Variants in PCDH7 observed in about 807,000 individuals in gnomAD.
PCDH7 encodes the protein protocadherin-7.
A neutral mutation model predicts 58.9 loss-of-function variants in PCDH7; 17 were observed. The observed-to-expected ratio is 0.29, with a 90% CI of 0.20 to 0.43. The LOEUF (loss-of-function observed/expected upper bound fraction) is 0.43. PCDH7 is among the 20% of genes least tolerant of loss of function. The pLI, the probability that PCDH7 is intolerant of heterozygous loss-of-function variation, is 1.00. For synonymous variants in PCDH7, 664 were observed against 616.4 expected (o/e 1.08, Z -1.14); for missense variants, 1,274 against 1,441.0 (o/e 0.88, Z 1.88).
At chr4:30,730,654 A>C in intron 1 of PCDH7, 1 of 816,262 alleles carries the variant, frequency 1.2e-6, no homozygotes, top group Non-Finnish European at 1.9e-6. Flanking sequence ...TTAGCTCCGA[A>C]ATCTCTACTA....
At chr4:30,942,385 A>T (rs1348805343) in intron 2 of PCDH7, among the ~76,000 whole-genome samples, 1 of 152,020 alleles carries the variant, frequency 6.6e-6, no homozygotes, top group Non-Finnish European at 1.5e-5. Context: ...AGCCTTGATG[A>T]AGTGTGCTTT....
At chr4:30,842,427 G>A (rs1731334317) in intron 1 of PCDH7, among the ~76,000 whole-genome samples, 1 of 152,030 alleles carries the variant, frequency 6.6e-6, no homozygotes, top group African/African-American at 2.4e-5. Context: ...ATTTGAAATT[G>A]GCAGTCTCAT....
intron 1 of PCDH7, among the ~76,000 whole-genome samples, chr4:30,826,406 A>G (rs910472130): frequency 2.6e-5 from 4 of 152,100 alleles, no homozygotes; most frequent in African/African-American, 9.7e-5. Context: ...TAAAAAATGC[A>G]TCACAGTAAT....
At chr4:31,021,278 A>G (rs1278582081) in intron 3 of PCDH7, among the ~76,000 whole-genome samples, 1 of 152,154 alleles carries the variant, frequency 6.6e-6, no homozygotes, top group Non-Finnish European at 1.5e-5. Context: ...CATAGCCCCT[A>G]GGGAAATGCA....
chr4:31,080,200 A>G (rs960215737), intron 3 of PCDH7, among the ~76,000 whole-genome samples: 2 of 152,166 alleles, frequency 1.3e-5, no homozygotes, highest in African/African-American at 4.8e-5. Context: ...TGCTAATAAA[A>G]TGTTTGAGTT....
intron 1 of PCDH7, among the ~76,000 whole-genome samples, chr4:30,738,662 C>G (rs1254930232): frequency 6.6e-6 from 1 of 152,090 alleles, no homozygotes; most frequent in Non-Finnish European, 1.5e-5. Flanking sequence ...ATGAAACAGT[C>G]TAAAAACTGT....
At chr4:30,833,255 C>T (rs149499952) in intron 1 of PCDH7, among the ~76,000 whole-genome samples, 651 of 152,232 alleles carry the variant, frequency 4.3e-3, no homozygotes, top group Non-Finnish European at 6.1e-3. Flanking sequence ...AAATGGGTCT[C>T]AGTGGGCTAA....
rs541813305 is a variant in PCDH7 at position 31,058,009 on chromosome 4, T to A, written c.*8-84464T>A. On this transcript the variant is annotated intron_variant, in intron 3 of 3. Transcript: ENST00000509759. ...CTTAGGATTTAAATATCCAATTAAG[T>A]TGAAATGACCTTTGACAACTGAAAG... 1.1e-4 allele frequency among the ~76,000 whole-genome samples: 17 copies of A among 152,208 alleles called. No individual in the cohort carries two copies. In the East Asian group the frequency reaches 3.1e-3, roughly 28 times the overall value.
At chr4:30,777,256 C>T (rs1722187225) in intron 1 of PCDH7, among the ~76,000 whole-genome samples, 1 of 152,124 alleles carries the variant, frequency 6.6e-6, no homozygotes, top group Admixed American at 6.5e-5. Flanking sequence ...AGCCTGAAAC[C>T]TTACAAACTT....
intron 1 of PCDH7, among the ~76,000 whole-genome samples, chr4:30,912,209 A>T (rs1045634997): frequency 1.3e-5 from 2 of 152,192 alleles, no homozygotes. Context: ...ACCCCTAAAA[A>T]GTTTAAAGGC....
At position 30,806,862 on chromosome 4, in the gene PCDH7, A is replaced by C. The variant is rs181319026; in HGVS notation, c.70+82266A>C. Among the ~76,000 whole-genome samples the C allele has an allele frequency of 2.0e-5, 3 of 152,192 alleles. No individual in the cohort carries two copies. In the East Asian group the frequency reaches 5.8e-4, roughly 30 times the overall value. On this transcript the variant is annotated intron_variant, in intron 1 of 3. Coordinates refer to the PCDH7 transcript ENST00000509759. The stretch of plus-strand genomic sequence containing the variant: ...TGATCACACACCTAAATCTGAAAAC[A>C]ATAAAAGAATCTATTGTAGAGTGTC...
chr4:30,768,412 C>G (rs904228959), intron 1 of PCDH7, among the ~76,000 whole-genome samples: 1 of 149,142 alleles, frequency 6.7e-6, no homozygotes, highest in East Asian at 2.0e-4. Context: ...GAAAGAAGGT[C>G]GAGTGGATAG....
At chr4:30,894,514 T>TAC (rs1739103593) in intron 1 of PCDH7, among the ~76,000 whole-genome samples, 6 of 48,030 alleles carry the variant, frequency 1.2e-4, no homozygotes, top group South Asian at 8.0e-4. Context: ...TATATATATA[T>TAC]ATACACACAC....
intron 1 of PCDH7, among the ~76,000 whole-genome samples, chr4:30,773,919 A>G (rs910287875): frequency 2.6e-5 from 4 of 152,078 alleles, no homozygotes; most frequent in African/African-American, 7.2e-5. Flanking sequence ...TTTAATTTTT[A>G]TGACATTGGA....
At chr4:31,086,360 TAA>T (rs1485077974) in intron 3 of PCDH7, among the ~76,000 whole-genome samples, 1 of 152,240 alleles carries the variant, frequency 6.6e-6, no homozygotes, top group Non-Finnish European at 1.5e-5. Context: ...GCAGTTATTT[TAA>T]GTCTGTTTTT....
intron 3 of PCDH7, among the ~76,000 whole-genome samples, chr4:30,977,761 C>G (rs1417800370): frequency 6.6e-6 from 1 of 152,100 alleles, no homozygotes; most frequent in Admixed American, 6.6e-5. Context: ...TATCACTCAG[C>G]CTAAGTCCCC....
chr4:30,872,971 A>G (rs1735816978), intron 1 of PCDH7, among the ~76,000 whole-genome samples: 1 of 152,098 alleles, frequency 6.6e-6, no homozygotes. Context: ...ATTGACCATT[A>G]TTGTTATAAT....
chr4:31,145,091 A>AT (rs1720591111), downstream of PCDH7: 1 of 151,842 alleles, frequency 6.6e-6, no homozygotes, highest in Non-Finnish European at 1.5e-5. Flanking sequence ...TTCATGAGAC[A>AT]TTGAAACCAC....
chr4:31,122,125 C>T (rs1717763188), intron 3 of PCDH7, among the ~76,000 whole-genome samples: 1 of 152,112 alleles, frequency 6.6e-6, no homozygotes, highest in South Asian at 2.1e-4. Flanking sequence ...TTCCAAATTT[C>T]ATGAATAATA....
Sources: allele counts gnomAD v4.1 joint callset (sites outside exome capture counted in the v4.1 genomes callset), GRCh38; gene constraint gnomAD v4.1.1; transcripts MANE v1.5; gene names NCBI Gene and HGNC (gene_info 2026-07-23, HGNC 2026-07-21).